Variants in STK3 observed in about 807,000 individuals in gnomAD.
The protein encoded by STK3 is serine/threonine-protein kinase 3.
STK3 carries 41 observed loss-of-function variants against 58.0 expected under a neutral mutation model. The ratio of observed to expected loss-of-function variants is 0.71; its 90% CI spans 0.55 to 0.92. The LOEUF (loss-of-function observed/expected upper bound fraction) is 0.92, where lower values mean the gene tolerates loss of function less well. Ranked by LOEUF, STK3 falls within the 40% of genes least tolerant of loss-of-function variation. The pLI is 0.00. For synonymous variants in STK3, 170 were observed against 191.0 expected (o/e 0.89, Z 0.91); for missense variants, 479 against 602.7 (o/e 0.79, Z 2.15).
intron 1 of STK3, among the ~76,000 whole-genome samples, chr8:98,920,297 T>C (rs1839506755): frequency 6.6e-6 from 1 of 152,238 alleles, no homozygotes; most frequent in Non-Finnish European, 1.5e-5. Flanking sequence ...ATAGTCTTCA[T>C]GTGTAGATAG....
intron 10 of STK3, among the ~76,000 whole-genome samples, chr8:98,460,836 G>A (rs1819910055): frequency 6.6e-6 from 1 of 152,166 alleles, no homozygotes; most frequent in Non-Finnish European, 1.5e-5. Flanking sequence ...TAAGTTTCCT[G>A]AGGCCTCCCC....
chr8:98,625,547 C>T (rs1218251406), intron 6 of STK3, among the ~76,000 whole-genome samples: 1 of 152,022 alleles, frequency 6.6e-6, no homozygotes, highest in East Asian at 1.9e-4. Context: ...CCTATTAAAA[C>T]TTCCACTGAG....
At chr8:98,598,214 T>C in intron 6 of STK3, 1 of 985,412 alleles carries the variant, frequency 1.0e-6, no homozygotes, top group Non-Finnish European at 1.2e-6. Context: ...ATGCTCTCCT[T>C]TGAACTTTGA....
intron 7 of STK3, among the ~76,000 whole-genome samples, chr8:98,581,489 A>G (rs1402017970): frequency 4.0e-5 from 6 of 151,780 alleles, no homozygotes; most frequent in Admixed American, 3.9e-4. Flanking sequence ...ACACCGCCTG[A>G]GAAGGACTGG....
At chr8:98,919,670 G>A (rs1413950014) in intron 1 of STK3, among the ~76,000 whole-genome samples, 1 of 152,154 alleles carries the variant, frequency 6.6e-6, no homozygotes, top group African/African-American at 2.4e-5. Context: ...AAATAATAAT[G>A]CAATGGAAGA....
intron 6 of STK3, among the ~76,000 whole-genome samples, chr8:98,610,104 A>G (rs891208034): frequency 3.9e-5 from 6 of 152,208 alleles, no homozygotes; most frequent in African/African-American, 1.4e-4. Flanking sequence ...AATAAAACAG[A>G]AAATGAATCA....
chr8:98,512,220 T>C (rs1415643269), intron 10 of STK3, among the ~76,000 whole-genome samples: 2 of 152,006 alleles, frequency 1.3e-5, no homozygotes, highest in Admixed American at 6.6e-5. Context: ...GAACATTGCA[T>C]AATGTTTTAA....
intron 1 of STK3, chr8:98,904,775 G>A (rs113249169): frequency 1.4e-6 from 1 of 693,976 alleles, no homozygotes; most frequent in African/African-American, 1.8e-5. Context: ...CACAATAGGA[G>A]GAAGTGGTGG....
At chr8:98,883,507 G>C, downstream of STK3, 1 of 581,678 alleles carries the variant, frequency 1.7e-6, no homozygotes, top group South Asian at 2.2e-5. Flanking sequence ...TATTACTGAA[G>C]TCCTTTGTTT....
chr8:98,623,172 TGAGAAG>T (rs1439985084), intron 6 of STK3, among the ~76,000 whole-genome samples: 1 of 135,296 alleles, frequency 7.4e-6, no homozygotes, highest in Non-Finnish European at 1.6e-5. Flanking sequence ...AAGAATAAGA[TGAGAAG>T]GAGGAGAAAA....
chr8:98,855,987 T>G (rs1836656869), intron 3 of STK3, among the ~76,000 whole-genome samples: 1 of 151,930 alleles, frequency 6.6e-6, no homozygotes, highest in South Asian at 2.1e-4. Context: ...CAAAACTCCG[T>G]CTCTACTAAA....
At chr8:98,798,752 G>A (rs1833337498) in intron 1 of STK3, among the ~76,000 whole-genome samples, 1 of 152,178 alleles carries the variant, frequency 6.6e-6, no homozygotes, top group Admixed American at 6.5e-5. Context: ...TGAGGTTATA[G>A]TGAGCTATGA....
intron 8 of STK3, among the ~76,000 whole-genome samples, chr8:98,563,702 TG>T (rs1176230333): frequency 6.6e-6 from 1 of 152,010 alleles, no homozygotes; most frequent in Non-Finnish European, 1.5e-5. Flanking sequence ...CGCACAATGA[TG>T]GGGATATGTC....
At chr8:98,407,483 G>A (rs541653776) in intron 3 of STK3, among the ~76,000 whole-genome samples, 1 of 152,372 alleles carries the variant, frequency 6.6e-6, no homozygotes, top group South Asian at 2.1e-4. Context: ...CAGCAGGCAG[G>A]TGTGAGAACC....
chr8:98,598,609 T>A, intron 6 of STK3: 1 of 985,424 alleles, frequency 1.0e-6, no homozygotes, highest in Middle Eastern at 5.2e-4. Context: ...AGGTTTTATA[T>A]GAGTTGATTA....
At chr8:98,819,287 G>C (rs1447627329) in intron 1 of STK3, among the ~76,000 whole-genome samples, 1 of 151,834 alleles carries the variant, frequency 6.6e-6, no homozygotes, top group Non-Finnish European at 1.5e-5. Flanking sequence ...CAGTATCAAT[G>C]AATTTTTTTT....
intron 4 of STK3, among the ~76,000 whole-genome samples, chr8:98,738,050 A>C (rs1227415635): frequency 1.3e-5 from 2 of 152,252 alleles, no homozygotes; most frequent in Non-Finnish European, 2.9e-5. Flanking sequence ...TTTAAATACA[A>C]AAAAGAAGAA....
chr8:98,779,168 T>C (rs1039898972), intron 1 of STK3, among the ~76,000 whole-genome samples: 1 of 151,986 alleles, frequency 6.6e-6, no homozygotes, highest in Non-Finnish European at 1.5e-5. Flanking sequence ...CAGTGTATAA[T>C]AGTAACCTTT....
intron 8 of STK3, among the ~76,000 whole-genome samples, chr8:98,560,323 CA>C (rs977896704): frequency 6.6e-6 from 1 of 151,894 alleles, no homozygotes; most frequent in African/African-American, 2.4e-5. Flanking sequence ...ACAGAATCTA[CA>C]AAAAACTCCT....
Sources: gnomAD v4.1 joint callset for allele counts (sites outside exome capture counted in the v4.1 genomes callset) on GRCh38, gnomAD v4.1.1 for gene constraint, MANE v1.5 for transcripts, NCBI Gene and HGNC (gene_info 2026-07-23, HGNC 2026-07-21) for gene names.